PLEKHG4B: variants seen among roughly 807,000 people sequenced by gnomAD.
PLEKHG4B encodes the protein pleckstrin homology and RhoGEF domain containing G4B, also known as pleckstrin homology domain-containing family G member 4B.
In PLEKHG4B, 111 loss-of-function variants were observed where a neutral mutation model predicts 121.3. That is an observed-to-expected ratio of 0.92 (90% CI 0.78 to 1.07). The LOEUF is 1.07. Ranked by LOEUF, PLEKHG4B falls within the 50% of genes least tolerant of loss-of-function variation. The probability of loss-of-function intolerance (pLI) is 0.00; values close to 1 mark genes in which losing one functional copy is unlikely to be tolerated. For synonymous variants in PLEKHG4B, 738 were observed against 725.0 expected (o/e 1.02, Z -0.29); for missense variants, 1,831 against 1,757.8 (o/e 1.04, Z -0.74).
intron 1 of PLEKHG4B, among the ~76,000 whole-genome samples, chr5:107,649 C>T (rs534975456): frequency 2.5e-3 from 384 of 152,362 alleles, no homozygotes; most frequent in African/African-American, 8.6e-3. Flanking sequence ...TGGGTCTGGC[C>T]TCACCCTGAA....
Position 92,180 on chromosome 5 carries a change from G to C in PLEKHG4B, c.-52G>C. 2.7e-6 allele frequency: 1 copy of C among 372,530 alleles called. No individual in the cohort carries two copies. 23.1% of individuals were successfully genotyped at this position (372,530 alleles called of 1,614,324 possible). On this transcript the variant is annotated 5_prime_UTR_variant, in exon 1 of 20. Transcript: ENST00000637938. ...GCGGCCTCGGCCCAGTGCACAGCGG[G>C]ACCAGGCAGAGTTCGGGGAAAGCGT...
chr5:163,588 T>G (rs1460371511), intron 13 of PLEKHG4B, 40 bp downstream of exon 13: 4 of 1,463,898 alleles, frequency 2.7e-6, no homozygotes, highest in Non-Finnish European at 3.6e-6. Context: ...TAGCAGTCCT[T>G]GGGGATCTAG....
rs368256685 is a variant in PLEKHG4B, at chr5:142,404, A to G, written c.1478-643A>G. Among the ~76,000 whole-genome samples the G allele has an allele frequency of 1.1e-4, 16 of 151,948 alleles. No homozygotes were observed. The East Asian group carries it at 1.9e-3, about 18-fold the overall frequency. On this transcript the variant is annotated intron_variant, in intron 3 of 19. Coordinates refer to ENST00000637938, the MANE Select transcript of PLEKHG4B (RefSeq NM_052909.5). ...GCACACAGAATCACACAACACACAC[A>G]GTCACATGCCTCACACGATACACGC...
chr5:139,456 A>G lies in PLEKHG4B; in HGVS notation c.244-27A>G, dbSNP rs1447947739. The G allele has an allele frequency of 5.0e-6, 2 of 398,702 alleles. No homozygotes were observed. Among genetic ancestry groups the G allele is most frequent in the South Asian group, 1.3e-4 (1 of 7,844 alleles). 24.7% of individuals were successfully genotyped at this position (398,702 alleles called of 1,614,324 possible). On this transcript the variant is annotated intron_variant, in intron 2 of 19. Transcript: ENST00000637938. This position sits in a 1 kb window ranked among gnomAD's most constrained non-coding sequence, Gnocchi z 5.0. ...GGCTCAGGACATGGCCGTGCCCACC[A>G]CTAACCTCCCTCCTCTCTTGTCTCA...
intron 3 of PLEKHG4B, 48 bp from the exon 4 acceptor site, chr5:142,999 C>A: frequency 1.3e-6 from 2 of 1,552,372 alleles, no homozygotes; most frequent in Non-Finnish European, 1.8e-6. Flanking sequence ...CTGCTTTCAA[C>A]GCGCAGGAAA....
At chr5:125,407 A>G (rs1360891966) in intron 2 of PLEKHG4B, among the ~76,000 whole-genome samples, 2 of 152,206 alleles carry the variant, frequency 1.3e-5, no homozygotes, top group African/African-American at 4.8e-5. Flanking sequence ...TCCTAAAGTT[A>G]TAACACTAAT....
At chr5:98,603 TTGTGTGTGTGTGTGTGTGTG>T (rs35724214) in intron 1 of PLEKHG4B, among the ~76,000 whole-genome samples, 53 of 111,588 alleles carry the variant, frequency 4.7e-4, no homozygotes, top group African/African-American at 2.0e-3. Flanking sequence ...CCTGGCTAAT[TTGTGTGTGTGTGTGTGTGTG>T]TGTGTGTGTG....
intron 13 of PLEKHG4B, 68 bp downstream of exon 13, chr5:163,616 G>C: frequency 7.7e-7 from 1 of 1,291,118 alleles, no homozygotes; most frequent in South Asian, 1.5e-5. Context: ...AAGCCATTTA[G>C]GCAGTAAACT....
At chr5:155,054 G>C in intron 8 of PLEKHG4B, 63 bp downstream of exon 8, 1 of 1,382,214 alleles carries the variant, frequency 7.2e-7, no homozygotes, top group Non-Finnish European at 1.0e-6. Context: ...TTATGTGGTT[G>C]TTTTTACTAG....
At chr5:133,547 A>G (rs919759382) in intron 2 of PLEKHG4B, among the ~76,000 whole-genome samples, 2 of 152,208 alleles carry the variant, frequency 1.3e-5, no homozygotes, top group Non-Finnish European at 2.9e-5. Flanking sequence ...AACATCACTA[A>G]TTATCAGGGA....
intron 18 of PLEKHG4B, among the ~76,000 whole-genome samples, chr5:174,321 G>A (rs1736684005): frequency 7.4e-6 from 1 of 135,260 alleles, no homozygotes; most frequent in Non-Finnish European, 1.6e-5. Context: ...CCAGGGGCCA[G>A]GGGGCCAGCA....
intron 2 of PLEKHG4B, among the ~76,000 whole-genome samples, chr5:122,178 A>G (rs930516593): frequency 6.6e-6 from 1 of 152,222 alleles, no homozygotes; most frequent in Admixed American, 6.5e-5. Flanking sequence ...CTAAATATTC[A>G]AGAGATAAAA....
At chr5:99,180 A>AC (rs1733724865) in intron 1 of PLEKHG4B, among the ~76,000 whole-genome samples, 2 of 44,046 alleles carry the variant, frequency 4.5e-5, no homozygotes, top group African/African-American at 1.7e-4. Flanking sequence ...GTATATATAT[A>AC]TATATATATA....
chr5:117,276 A>G (rs1734332863), intron 2 of PLEKHG4B, among the ~76,000 whole-genome samples: 1 of 152,246 alleles, frequency 6.6e-6, no homozygotes, highest in Admixed American at 6.5e-5. Flanking sequence ...CTTAACTGCT[A>G]TGAATAGATG....
intron 2 of PLEKHG4B, among the ~76,000 whole-genome samples, chr5:135,676 AAAAAAAATATAT>A (rs1734944646): frequency 1.6e-5 from 1 of 64,086 alleles, no homozygotes; most frequent in Non-Finnish European, 2.9e-5. Context: ...AAAAAAAAAA[AAAAAAAATATAT>A]ATATATATAT....
chr5:117,080 A>G (rs10053797), intron 2 of PLEKHG4B, among the ~76,000 whole-genome samples: 29,059 of 152,120 alleles, frequency 0.19, 3,854 homozygotes, highest in African/African-American at 0.37. Flanking sequence ...CCCAACCTAC[A>G]AAATTGCTTG....
rs1208386537 is a variant in PLEKHG4B at position 185,870 on chromosome 5, C to T, written c.*3547C>T. ...CCAGTCAAAAGATGGGTCTCTCTCTCCTGATAGCATGGAGCCTGGATGTGG... is the reference window on the plus strand; with the variant it reads ...CCAGTCAAAAGATGGGTCTCTCTCTTCTGATAGCATGGAGCCTGGATGTGG... On this transcript the variant is annotated 3_prime_UTR_variant, in exon 20 of 20. Coordinates refer to ENST00000637938, the MANE Select transcript of PLEKHG4B (RefSeq NM_052909.5). The T allele has an allele frequency of 1.3e-5, 2 of 152,302 alleles. No individual in the cohort carries two copies. Among genetic ancestry groups the T allele is most frequent in the African/African-American group, 4.8e-5 (2 of 41,470 alleles). The allele number at this position is 152,302 out of a possible 1,614,324, so 9.4% of individuals were successfully genotyped here.
intron 15 of PLEKHG4B, 22 bp downstream of exon 15, chr5:171,154 C>G (rs773588782): frequency 7.5e-6 from 12 of 1,609,628 alleles, no homozygotes; most frequent in African/African-American, 1.3e-5. Flanking sequence ...CGGCCCGCCC[C>G]CCACAGCCTG....
intron 18 of PLEKHG4B, 105 bp downstream of exon 18, chr5:174,203 A>AG: frequency 6.1e-6 from 1 of 163,316 alleles, no homozygotes; most frequent in Non-Finnish European, 9.0e-6. Flanking sequence ...TCCAGGGGCC[A>AG]GGGGGCTGGG....
Sources: allele counts gnomAD v4.1 joint callset (sites outside exome capture counted in the v4.1 genomes callset), GRCh38; gene constraint gnomAD v4.1.1; non-coding constraint Gnocchi (gnomAD v3.1); transcripts MANE v1.5; gene names NCBI Gene and HGNC (gene_info 2026-07-23, HGNC 2026-07-21).